UTP14A: variants seen among roughly 807,000 people sequenced by gnomAD.
UTP14A encodes UTP14A small subunit processome component.
Under a neutral mutation model 57.2 loss-of-function variants are expected in UTP14A, and 5 were observed. The ratio of observed to expected loss-of-function variants is 0.09; its 90% CI spans 0.05 to 0.18. The LOEUF (loss-of-function observed/expected upper bound fraction) is 0.18. Ranked by LOEUF, UTP14A falls within the 10% of genes least tolerant of loss-of-function variation. The pLI, the probability that UTP14A is intolerant of heterozygous loss-of-function variation, is 1.00. For missense variants in UTP14A, 430 were observed against 562.1 expected, an observed-to-expected ratio of 0.76 and a Z score of 2.38; for synonymous variants, 169 against 210.9, an observed-to-expected ratio of 0.80 and a Z score of 1.72.
At chrX:129,920,030 A>C (rs1929845778) in intron 8 of UTP14A, among the ~76,000 whole-genome samples, 2 of 111,442 alleles carry the variant, frequency 1.8e-5, no homozygotes, top group South Asian at 7.5e-4. Flanking sequence ...CTCTACTAAA[A>C]GTACAAAAAT....
chrX:129,928,727 C>T (rs1392062651), intron 14 of UTP14A, among the ~76,000 whole-genome samples: 1 of 111,769 alleles, frequency 8.9e-6, no homozygotes, highest in African/African-American at 3.2e-5. Flanking sequence ...GCACTCCAGC[C>T]TGGGCGACAG....
intron 4 of UTP14A, among the ~76,000 whole-genome samples, chrX:129,910,459 C>T (rs1172732070): frequency 9.0e-6 from 1 of 111,141 alleles, no homozygotes; most frequent in African/African-American, 3.3e-5. Flanking sequence ...CCGAGGTGGG[C>T]GGACTGCTTC....
intron 6 of UTP14A, among the ~76,000 whole-genome samples, chrX:129,915,219 A>C (rs935917433): frequency 1.9e-5 from 2 of 106,660 alleles, no homozygotes; most frequent in South Asian, 4.1e-4. Flanking sequence ...TGTCTCAAAA[A>C]TAAAAAATAA....
intron 1 of UTP14A, among the ~76,000 whole-genome samples, chrX:129,906,911 A>ATG (rs1416077530): frequency 1.8e-5 from 2 of 110,959 alleles, no homozygotes; most frequent in African/African-American, 6.5e-5. Context: ...AGTCAAATAT[A>ATG]TGGAGGATGC....
At chrX:129,910,086 TGAAGCC>T (rs747775756) in intron 4 of UTP14A, among the ~76,000 whole-genome samples, 2 of 111,789 alleles carry the variant, frequency 1.8e-5, no homozygotes, top group East Asian at 5.6e-4. Context: ...GAGGCAAAAT[TGAAGCC>T]GAGATCTGAA....
In UTP14A at chrX:129,909,954, T is replaced by C. The variant is rs780024914; in HGVS notation, c.239-1054T>C. ...ACTGTTGTAGATACCAAGGTTAAAG[T>C]AGCGAATAAGATGTGAGCTCATGGG... is the stretch of plus-strand genomic sequence containing the variant. On this transcript the variant is annotated intron_variant, in intron 4 of 14. Coordinates refer to ENST00000394422, the MANE Select transcript of UTP14A (RefSeq NM_006649.4). Among the ~76,000 whole-genome samples, 8 of 112,179 alleles carry C rather than the reference T, an allele frequency of 7.1e-5. No homozygotes were observed. In the South Asian group the frequency reaches 2.9e-3, roughly 41 times the overall value.
chrX:129,921,267 G>A lies in UTP14A; in HGVS notation c.1028G>A (p.Ser343Asn). 1 of 1,211,887 alleles carries A rather than the reference G, an allele frequency of 8.3e-7. No homozygotes were observed. Among genetic ancestry groups the A allele is most frequent in the Non-Finnish European group, 1.1e-6 (1 of 895,590 alleles). ...LTQKLQVASESEEEEGGTEDV... is the reference protein window; with the variant it reads ...LTQKLQVASENEEEEGGTEDV... ...CAGAAACTCCAGGTAGCCTCTGAGA[G>A]TGAGGAAGAGGAGGGAGGCACAGAA... The change falls in exon 11 of 15, where the codon AGT becomes AAT. Residue 343 changes from serine to asparagine, a missense_variant. Physicochemically the swap from Ser to Asn is conservative, Grantham distance 46. Transcript: ENST00000394422.
At chrX:129,918,033 G>A (rs1057384210) in intron 6 of UTP14A, among the ~76,000 whole-genome samples, 1 of 112,028 alleles carries the variant, frequency 8.9e-6, no homozygotes, top group Non-Finnish European at 1.9e-5. Context: ...CTTCCCCTCT[G>A]AGACATTTGC....
At chrX:129,909,976 TG>T (rs1272136763) in intron 4 of UTP14A, among the ~76,000 whole-genome samples, 3 of 111,986 alleles carry the variant, frequency 2.7e-5, no homozygotes, top group Non-Finnish European at 5.6e-5. Flanking sequence ...TGTGAGCTCA[TG>T]GGGTTTACAT....
At position 129,921,364 on chromosome X, in the gene UTP14A, G is replaced by T. The variant is rs1354228412; in HGVS notation, c.1125G>T (p.Trp375Cys). The T allele has an allele frequency of 8.3e-7, 1 of 1,211,681 alleles. No individual in the cohort carries two copies. The highest frequency in any genetic ancestry group is 1.1e-6 in the Non-Finnish European group (1 of 895,523). Residue 375 changes from tryptophan (W) to cysteine (C), a missense_variant, in exon 11 of 15, where the codon TGG becomes TGT. Transcript: ENST00000394422. ...VQMNADGPNP[W>C]MLRSCTSDTK... ...TGAATGCAGATGGGCCGAATCCCTGGATGCTCAGGAGCTGCACCAGTGACA... is the reference window on the plus strand; with the variant it reads ...TGAATGCAGATGGGCCGAATCCCTGTATGCTCAGGAGCTGCACCAGTGACA...
At chrX:129,923,850 A>G (rs976590851) in intron 11 of UTP14A, among the ~76,000 whole-genome samples, 1 of 111,372 alleles carries the variant, frequency 9.0e-6, no homozygotes, top group Non-Finnish European at 1.9e-5. Context: ...ACTTGGGGCA[A>G]TCTTCCCAAG....
At chrX:129,906,811 A>G (rs1207719274) in intron 1 of UTP14A, among the ~76,000 whole-genome samples, 3 of 111,602 alleles carry the variant, frequency 2.7e-5, no homozygotes, top group Non-Finnish European at 5.6e-5. Flanking sequence ...AGCCCCAGGG[A>G]AAGTGGCTTA....
At chrX:129,928,265 G>A (rs1930177961) in intron 14 of UTP14A, among the ~76,000 whole-genome samples, 1 of 106,257 alleles carries the variant, frequency 9.4e-6, no homozygotes, top group Non-Finnish European at 1.9e-5. Flanking sequence ...GGCCCCTGTA[G>A]TCCCAGCTAC....
intron 14 of UTP14A, among the ~76,000 whole-genome samples, 193 bp from the exon 15 acceptor site, chrX:129,929,143 A>T (rs1339840159): frequency 8.9e-6 from 1 of 111,838 alleles, no homozygotes; most frequent in Non-Finnish European, 1.9e-5. Flanking sequence ...CTACTCCCAA[A>T]TGTCATCAAA....
Position 129,911,904 on chromosome X carries a change from G to C in UTP14A, c.520G>C (p.Val174Leu). Residue 174 changes from valine (V) to leucine (L), a missense_variant, in exon 6 of 15, where the codon GTG (valine) becomes CTG (leucine). Around this residue, in one of 4 missense-constraint regions of UTP14A, gnomAD observed 145 missense variants for 153.5 expected, o/e 0.94. Transcript: ENST00000394422. ...EEPAIAPIEH[V>L]LSGWKARTPL... is the part of the protein sequence containing the mutation. ...GCCAGCCATTGCTCCCATTGAACATGTGCTCAGTGGCTGGAAGGTGAGTAC... is the reference window on the plus strand; with the variant it reads ...GCCAGCCATTGCTCCCATTGAACATCTGCTCAGTGGCTGGAAGGTGAGTAC... 1 of 1,211,192 alleles carries C rather than the reference G, an allele frequency of 8.3e-7. No homozygotes were observed. The highest frequency in any genetic ancestry group is 1.1e-6 in the Non-Finnish European group (1 of 895,281).
rs779908760 is a variant in UTP14A at position 129,925,190 on chromosome X, G to A, written c.1744G>A (p.Glu582Lys). Reference sequence around the variant, plus strand: ...GTCTTTGGCAGTTCCCACAATAGAGGAGCTGGTGAGCAGAGCCAGGGTGGT... The same window carrying A: ...GTCTTTGGCAGTTCCCACAATAGAGAAGCTGGTGAGCAGAGCCAGGGTGGT... ...VKSLAVPTIE[E>K]LEDEEERNHR... Residue 582 changes from glutamate to lysine, a missense_variant, in exon 12 of 15, where the codon GAG becomes AAG. Around this residue, in one of 4 missense-constraint regions of UTP14A, gnomAD observed 120 missense variants for 116.8 expected, o/e 1.03. Transcript: ENST00000394422. The A allele has an allele frequency of 2.8e-5, 34 of 1,203,173 alleles. No individual in the cohort carries two copies. Among genetic ancestry groups the A allele is most frequent in the Non-Finnish European group, 3.7e-5 (33 of 891,975 alleles).
rs759643673 is a variant in UTP14A at position 129,918,412 on chromosome X, A to C, written c.538-763A>C. 1.6e-3 allele frequency among the ~76,000 whole-genome samples: 169 copies of C among 107,935 alleles called. 1 individual carries two copies. The highest frequency in any genetic ancestry group is 9.6e-3 in the Middle Eastern group (2 of 208). 93.7% of individuals were successfully genotyped at this position (107,935 alleles called of 115,157 possible). ...CTCAGAAAACAAAAAAAAAAAAAAA[A>C]AAAACTAACCGCCCCTTCCCTCTAG... On this transcript the variant is annotated intron_variant, in intron 6 of 14. Coordinates refer to ENST00000394422, the MANE Select transcript of UTP14A (RefSeq NM_006649.4).
intron 2 of UTP14A, 50 bp downstream of exon 2, chrX:129,907,492 T>C (rs1929295663): frequency 9.5e-7 from 1 of 1,051,722 alleles, no homozygotes. Flanking sequence ...GAGAGCACAT[T>C]CCTGGAATGG....
intron 6 of UTP14A, 27 bp from the exon 7 acceptor site, chrX:129,919,148 C>T: frequency 8.3e-7 from 1 of 1,211,498 alleles, no homozygotes; most frequent in Non-Finnish European, 1.1e-6. Flanking sequence ...TGGCTTAAGA[C>T]TCAGAATGTT....
Sources: gnomAD v4.1 joint callset for allele counts (sites outside exome capture counted in the v4.1 genomes callset) on GRCh38, gnomAD v4.1.1 for gene constraint, gnomAD v4.1.1 regional missense constraint, MANE v1.5 for transcripts, NCBI Gene and HGNC (gene_info 2026-07-23, HGNC 2026-07-21) for gene names.